PCDHGC3: variants seen among roughly 807,000 people sequenced by gnomAD.
PCDHGC3 encodes protocadherin gamma subfamily C, 3, also known as protocadherin gamma-C3.
Under a neutral mutation model 59.2 loss-of-function variants are expected in PCDHGC3, and 26 were observed. The ratio of observed to expected loss-of-function variants is 0.44; its 90% CI spans 0.32 to 0.61. The LOEUF is 0.61. PCDHGC3 is among the 20% of genes least tolerant of loss of function. The pLI, the probability that PCDHGC3 is intolerant of heterozygous loss-of-function variation, is 0.05. For missense variants in PCDHGC3, 1,080 were observed against 1,221.8 expected, an observed-to-expected ratio of 0.88 and a Z score of 1.73; for synonymous variants, 487 against 519.7, an observed-to-expected ratio of 0.94 and a Z score of 0.86.
chr5:141,477,710 GA>G lies in PCDHGC3; in HGVS notation c.1596del (p.Glu532AspfsTer4). ...LVPLDYEDRR[E>X]FELTAHISDG... ...GCCCCTAGACTATGAGGATCGGCGG[GA>G]ATTTGAATTAACAGCTCATATCAGC... On this transcript the variant is annotated frameshift_variant, in exon 1 of 4. Coordinates refer to ENST00000308177, the MANE Select transcript of PCDHGC3 (RefSeq NM_002588.4). LOFTEE classifies it high-confidence loss of function. This position sits in a 1 kb window ranked among gnomAD's most constrained non-coding sequence, Gnocchi z 4.9. 2 of 1,613,918 alleles carry G rather than the reference GA, an allele frequency of 1.2e-6. No individual in the cohort carries two copies. Among genetic ancestry groups the G allele is most frequent in the Non-Finnish European group, 1.7e-6 (2 of 1,180,044 alleles).
rs1298448753 is a variant in PCDHGC3 at position 141,486,417 on chromosome 5, G to A, written c.2430+7871G>A. 1 of 1,614,132 alleles carries A rather than the reference G, an allele frequency of 6.2e-7. No individual in the cohort carries two copies. Among genetic ancestry groups the A allele is most frequent in the Non-Finnish European group, 8.5e-7 (1 of 1,179,998 alleles). ...CTGGTGACTGCTGGACCCTTGGATC[G>A]AGAGGCCAAATCTAGCTATGACATC... On this transcript the variant is annotated intron_variant, in intron 1 of 3. Transcript: ENST00000308177. The surrounding 1 kb of genome is among the most constrained non-coding windows in gnomAD (Gnocchi z 5.0).
intron 1 of PCDHGC3, chr5:141,478,822 T>C: frequency 4.2e-6 from 6 of 1,444,070 alleles, no homozygotes; most frequent in Non-Finnish European, 5.5e-6. Flanking sequence ...AACTAACCAA[T>C]CTTGCTAAGG....
rs372054375 is a variant in PCDHGC3, at chr5:141,490,825, A to T, written c.2431-3982A>T. 9 of 1,613,692 alleles carry T rather than the reference A, an allele frequency of 5.6e-6. No individual in the cohort carries two copies. The highest frequency in any genetic ancestry group is 3.3e-4 in the Middle Eastern group (2 of 6,062). On this transcript the variant is annotated intron_variant, in intron 1 of 3. Transcript: ENST00000308177. This position sits in a 1 kb window ranked among gnomAD's most constrained non-coding sequence, Gnocchi z 5.4. ...TACCTTTGACTATGAATTGCTGCAG[A>T]TGCTGCAGATTGTGGTGGGGGTTCG... is the stretch of plus-strand genomic sequence containing the variant.
chr5:141,490,229 T>C lies in PCDHGC3; in HGVS notation c.2431-4578T>C. The C allele has an allele frequency of 6.2e-7, 1 of 1,614,198 alleles. No individual in the cohort carries two copies. Among genetic ancestry groups the C allele is most frequent in the Non-Finnish European group, 8.5e-7 (1 of 1,180,034 alleles). On this transcript the variant is annotated intron_variant, in intron 1 of 3. Coordinates refer to ENST00000308177, the MANE Select transcript of PCDHGC3 (RefSeq NM_002588.4). The surrounding 1 kb of genome is among the most constrained non-coding windows in gnomAD (Gnocchi z 5.4). ...GCCCGTGACCAGGGACAGCCTGCCA[T>C]GGAGGGCCACTGTGTGATTCAAGTG... is the stretch of plus-strand genomic sequence containing the variant.
chr5:141,478,319 T>A lies in PCDHGC3; in HGVS notation c.2203T>A (p.Tyr735Asn). 2.5e-6 allele frequency: 4 copies of A among 1,614,052 alleles called. No homozygotes were observed. Among genetic ancestry groups the A allele is most frequent in the Non-Finnish European group, 3.4e-6 (4 of 1,180,024 alleles). Residue 735 changes from tyrosine to asparagine, a missense_variant, in exon 1 of 4, where the codon TAC becomes AAC. Physicochemically the swap from Tyr to Asn is moderately radical, Grantham distance 143. Coordinates refer to ENST00000308177, the MANE Select transcript of PCDHGC3 (RefSeq NM_002588.4). ...DLYRAPVSSL[Y>N]RTPGPSLHAD... is the part of the protein sequence containing the mutation. ...ATACCGAGCCCCGGTGAGCTCACTG[T>A]ACCGAACACCAGGGCCCTCCTTGCA...
Position 141,487,193 on chromosome 5 carries a change from C to T in PCDHGC3, c.2431-7614C>T. 6.2e-7 allele frequency: 1 copy of T among 1,613,784 alleles called. No individual in the cohort carries two copies. Among genetic ancestry groups the T allele is most frequent in the Non-Finnish European group, 8.5e-7 (1 of 1,179,724 alleles). On this transcript the variant is annotated intron_variant, in intron 1 of 3. Transcript: ENST00000308177. The surrounding 1 kb of genome is among the most constrained non-coding windows in gnomAD (Gnocchi z 5.0). ...AGAGGAAGACACTCATCCAGTTGTC[C>T]CAGATCTTCGAGAATCTTCAGCTCC...
chr5:141,494,943 G>A, intron 2 of PCDHGC3, 78 bp downstream of exon 2: 2 of 1,610,326 alleles, frequency 1.2e-6, no homozygotes, highest in Non-Finnish European at 1.7e-6. Flanking sequence ...ATGGGGGAGG[G>A]CCCAGCATTT....
rs745457172 is a variant in PCDHGC3 at position 141,490,744 on chromosome 5, C to T, written c.2431-4063C>T. The stretch of plus-strand genomic sequence containing the variant: ...TGTAGGAAATCAGGTTCAGGGAGCC[C>T]CAGCCTCCTCCTTTGTGTATGTCAA... On this transcript the variant is annotated intron_variant, in intron 1 of 3. Coordinates refer to ENST00000308177, the MANE Select transcript of PCDHGC3 (RefSeq NM_002588.4). The surrounding 1 kb of genome is among the most constrained non-coding windows in gnomAD (Gnocchi z 5.4). 1 of 1,614,142 alleles carries T rather than the reference C, an allele frequency of 6.2e-7. No homozygotes were observed. Among genetic ancestry groups the T allele is most frequent in the Non-Finnish European group, 8.5e-7 (1 of 1,180,006 alleles).
At chr5:141,510,898 T>C in intron 3 of PCDHGC3, 49 bp from the exon 4 acceptor site, 1 of 1,613,278 alleles carries the variant, frequency 6.2e-7, no homozygotes, top group Non-Finnish European at 8.5e-7. Context: ...ACAGTGACTG[T>C]TGAGGACCCT....
intron 1 of PCDHGC3, among the ~76,000 whole-genome samples, chr5:141,480,960 A>G (rs954219522): frequency 1.3e-5 from 2 of 152,190 alleles, no homozygotes; most frequent in African/African-American, 4.8e-5. Context: ...CGGAAGCATC[A>G]GTGAGGGAGA....
At chr5:141,481,390 G>A (rs553179819) in intron 1 of PCDHGC3, among the ~76,000 whole-genome samples, 2 of 152,346 alleles carry the variant, frequency 1.3e-5, no homozygotes, top group East Asian at 3.9e-4. Context: ...TTGGAGGGAT[G>A]TGACAAAATT....
At position 141,476,639 on chromosome 5, in the gene PCDHGC3, A is replaced by G; in HGVS notation, c.523A>G (p.Ser175Gly). 1.2e-6 allele frequency: 2 copies of G among 1,614,206 alleles called. No individual in the cohort carries two copies. Among genetic ancestry groups the G allele is most frequent in the Non-Finnish European group, 1.7e-6 (2 of 1,180,038 alleles). The change falls in exon 1 of 4, where the codon AGC (serine) becomes GGC (glycine). Residue 175 changes from serine (S) to glycine (G), a missense_variant. Transcript: ENST00000308177. The surrounding 1 kb of genome is among the most constrained non-coding windows in gnomAD (Gnocchi z 7.6). ...CAACTCTTTACAAACCTATGAGCTG[A>G]GCCGAAATGAATACTTTGCGCTTCG... ...GSNSLQTYEL[S>G]RNEYFALRVQ...
chr5:141,501,328 CACA>C (rs2099808027), intron 2 of PCDHGC3, among the ~76,000 whole-genome samples: 1 of 151,710 alleles, frequency 6.6e-6, no homozygotes, highest in Non-Finnish European at 1.5e-5. Context: ...CACACACACA[CACA>C]CACCCCAAAC....
At position 141,486,383 on chromosome 5, in the gene PCDHGC3, C is replaced by A. The variant is rs757384186; in HGVS notation, c.2430+7837C>A. On this transcript the variant is annotated intron_variant, in intron 1 of 3. Transcript: ENST00000308177. The surrounding 1 kb of genome is among the most constrained non-coding windows in gnomAD (Gnocchi z 5.0). ...TGCCCTCAAGTCTGCCTTCAGGAAC[C>A]AGTTCTCCCTGGTGACTGCTGGACC... The A allele has an allele frequency of 6.2e-7, 1 of 1,614,040 alleles. No homozygotes were observed. Among genetic ancestry groups the A allele is most frequent in the East Asian group, 2.2e-5 (1 of 44,884 alleles).
Position 141,490,325 on chromosome 5 carries a change from G to A in PCDHGC3, c.2431-4482G>A. 1 of 1,614,236 alleles carries A rather than the reference G, an allele frequency of 6.2e-7. No individual in the cohort carries two copies. Among genetic ancestry groups the A allele is most frequent in the Non-Finnish European group, 8.5e-7 (1 of 1,180,038 alleles). On this transcript the variant is annotated intron_variant, in intron 1 of 3. Transcript: ENST00000308177. This position sits in a 1 kb window ranked among gnomAD's most constrained non-coding sequence, Gnocchi z 5.4. ...TCTTTGGCCAACCCTGTCCTAGAGA[G>A]CACACCAGTGGGCACAGTAGTGGGG...
chr5:141,508,777 AG>A (rs1428861784), intron 3 of PCDHGC3, among the ~76,000 whole-genome samples: 3 of 150,778 alleles, frequency 2.0e-5, no homozygotes, highest in Non-Finnish European at 4.4e-5. Context: ...TCCCCCCTCT[AG>A]CCCCTAAATC....
chr5:141,511,140 C>T lies in PCDHGC3; in HGVS notation c.2772C>T (p.Asn924=). Reference sequence around the variant, plus strand: ...AGGCCCCAGCAGGTGGCAATGGCAACAAGAAGAAGTCGGGCAAGAAGGAGA... The same window carrying T: ...AGGCCCCAGCAGGTGGCAATGGCAATAAGAAGAAGTCGGGCAAGAAGGAGA... ...DGKAPAGGNG[N]KKKSGKKEKK is the part of the protein sequence containing the mutation. Residue 924 remains asparagine (N), a synonymous_variant, in exon 4 of 4, where the codon AAC becomes AAT. Transcript: ENST00000308177. The T allele has an allele frequency of 1.2e-6, 2 of 1,614,186 alleles. No homozygotes were observed. The highest frequency in any genetic ancestry group is 1.3e-5 in the African/African-American group (1 of 75,050).
Position 141,491,842 on chromosome 5 carries a change from T to C in PCDHGC3, c.2431-2965T>C, listed in dbSNP as rs551615550. The C allele has an allele frequency of 7.5e-6, 11 of 1,464,162 alleles. No homozygotes were observed. In the South Asian group the frequency reaches 1.3e-4, roughly 17 times the overall value. 90.7% of individuals were successfully genotyped at this position (1,464,162 alleles called of 1,614,324 possible). ...GCGCTCCACCCGATTCTCGGGATCA[T>C]TGGACCGTTTGCGCGAAACCAGAGT... On this transcript the variant is annotated intron_variant, in intron 1 of 3. Transcript: ENST00000308177. The surrounding 1 kb of genome is among the most constrained non-coding windows in gnomAD (Gnocchi z 6.9).
chr5:141,491,876 A>G lies in PCDHGC3; in HGVS notation c.2431-2931A>G. ...TTGCGCGAAACCAGAGTGGCCGATT[A>G]AGGGATGGGGCTCCGAGCACCGGGG... On this transcript the variant is annotated intron_variant, in intron 1 of 3. Coordinates refer to ENST00000308177, the MANE Select transcript of PCDHGC3 (RefSeq NM_002588.4). The surrounding 1 kb of genome is among the most constrained non-coding windows in gnomAD (Gnocchi z 6.9). 2.1e-6 allele frequency: 3 copies of G among 1,450,326 alleles called. No individual in the cohort carries two copies. Among genetic ancestry groups the G allele is most frequent in the Non-Finnish European group, 1.8e-6 (2 of 1,097,472 alleles). 89.8% of individuals were successfully genotyped at this position (1,450,326 alleles called of 1,614,324 possible).
Sources: allele counts gnomAD v4.1 joint callset (sites outside exome capture counted in the v4.1 genomes callset), GRCh38; gene constraint gnomAD v4.1.1; non-coding constraint Gnocchi (gnomAD v3.1); transcripts MANE v1.5; gene names NCBI Gene and HGNC (gene_info 2026-07-23, HGNC 2026-07-21).